The following BFSP2 variants were observed in gnomAD, a reference collection of about 807,000 sequenced individuals.
BFSP2 encodes the protein beaded filament structural protein 2.
In BFSP2, 38 loss-of-function variants were observed where a neutral mutation model predicts 44.9. The ratio of observed to expected loss-of-function variants is 0.85; its 90% CI spans 0.65 to 1.11. The LOEUF (loss-of-function observed/expected upper bound fraction) is 1.11, where lower values mean the gene tolerates loss of function less well. Ranked by LOEUF, BFSP2 falls within the 50% of genes least tolerant of loss-of-function variation. BFSP2 has a pLI of 0.00. For missense variants in BFSP2, 525 were observed against 533.0 expected (o/e 0.99, Z 0.15); for synonymous variants, 197 against 209.9 (o/e 0.94, Z 0.53).
chr3:133,427,854 G>A (rs1377224504), intron 1 of BFSP2, among the ~76,000 whole-genome samples: 1 of 152,154 alleles, frequency 6.6e-6, no homozygotes, highest in East Asian at 1.9e-4. Context: ...TAAGAAAACT[G>A]GAATTTATTG....
intron 5 of BFSP2, among the ~76,000 whole-genome samples, chr3:133,470,895 G>A (rs565225190): frequency 3.9e-5 from 6 of 152,336 alleles, no homozygotes; most frequent in East Asian, 1.9e-4. Context: ...AGCGGCAGAG[G>A]AGTTTCAAGG....
intron 3 of BFSP2, among the ~76,000 whole-genome samples, chr3:133,449,724 A>G (rs2073939050): frequency 6.6e-6 from 1 of 151,924 alleles, no homozygotes; most frequent in Non-Finnish European, 1.5e-5. Context: ...CTAAAAATAC[A>G]AAAATTAGCT....
chr3:133,466,415 C>A (rs2074109654), intron 4 of BFSP2, among the ~76,000 whole-genome samples: 1 of 151,586 alleles, frequency 6.6e-6, no homozygotes, highest in African/African-American at 2.4e-5. Context: ...CGTGGTGGCT[C>A]ACGCCTGTAA....
At chr3:133,455,148 T>C (rs967651) in intron 4 of BFSP2, among the ~76,000 whole-genome samples, 133,045 of 152,314 alleles carry the variant, frequency 0.87, 58,895 homozygotes, top group Non-Finnish European at 0.95. Flanking sequence ...AGTAGGAGTA[T>C]GCTAATGATA....
chr3:133,466,706 C>T lies in BFSP2; in HGVS notation c.892-122C>T, dbSNP rs1407052715. 2.2e-5 allele frequency: 6 copies of T among 275,466 alleles called. No homozygotes were observed. The East Asian group carries it at 6.3e-4, about 29-fold the overall frequency. The allele number at this position is 275,466 out of a possible 1,614,324, so 17.1% of individuals were successfully genotyped here. ...AAAAAAAAAAAAAAAAAGATGTTTC[C>T]ACGTGACAGCTGTATTTCCTCTGGT... is the stretch of plus-strand genomic sequence containing the variant. On this transcript the variant is annotated intron_variant, in intron 4 of 6. Transcript: ENST00000302334.
chr3:133,422,414 A>G (rs1038322420), intron 1 of BFSP2, among the ~76,000 whole-genome samples: 3 of 152,188 alleles, frequency 2.0e-5, no homozygotes, highest in African/African-American at 4.8e-5. Flanking sequence ...GGACATGCAG[A>G]AACCTGGTGC....
chr3:133,434,049 C>T (rs1576576568), intron 1 of BFSP2, among the ~76,000 whole-genome samples: 1 of 152,196 alleles, frequency 6.6e-6, no homozygotes, highest in South Asian at 2.1e-4. Context: ...GTTTACACTG[C>T]CAGTTTACAC....
intron 4 of BFSP2, among the ~76,000 whole-genome samples, chr3:133,451,011 T>G (rs944520140): frequency 2.0e-5 from 3 of 148,136 alleles, no homozygotes; most frequent in African/African-American, 7.5e-5. Flanking sequence ...CTCGGGAGGC[T>G]GAGGCAGGAG....
intron 4 of BFSP2, among the ~76,000 whole-genome samples, chr3:133,465,298 C>T (rs2074099771): frequency 6.6e-6 from 1 of 151,992 alleles, no homozygotes; most frequent in African/African-American, 2.4e-5. Flanking sequence ...TGAGCCACTG[C>T]ACCCAGCCTT....
At chr3:133,410,505 C>T in intron 1 of BFSP2, 1 of 280,446 alleles carries the variant, frequency 3.6e-6, no homozygotes, top group Middle Eastern at 5.2e-4. Context: ...TGGGAATGAT[C>T]AGCATAGCAA....
intron 4 of BFSP2, 120 bp downstream of exon 4, chr3:133,450,584 A>C: frequency 5.0e-5 from 57 of 1,139,088 alleles, no homozygotes; most frequent in Middle Eastern, 2.9e-4. Context: ...GTTCAACCTC[A>C]TTAGAAACAG....
chr3:133,470,539 TA>T (rs1576600767), intron 5 of BFSP2, among the ~76,000 whole-genome samples: 1 of 152,234 alleles, frequency 6.6e-6, no homozygotes, highest in African/African-American at 2.4e-5. Flanking sequence ...TACAGTTTTT[TA>T]AAGGGGTTTA....
chr3:133,449,773 C>T (rs2107925466), intron 3 of BFSP2, among the ~76,000 whole-genome samples: 1 of 151,884 alleles, frequency 6.6e-6, no homozygotes, highest in East Asian at 1.9e-4. Context: ...CCTGTAGTCT[C>T]AGCTACTCAG....
At chr3:133,427,521 A>G (rs1335843127) in intron 1 of BFSP2, among the ~76,000 whole-genome samples, 1 of 152,236 alleles carries the variant, frequency 6.6e-6, no homozygotes, top group Non-Finnish European at 1.5e-5. Context: ...AGATCAAGTG[A>G]GCATTTCCCT....
intron 4 of BFSP2, among the ~76,000 whole-genome samples, chr3:133,451,000 A>T (rs149657596): frequency 6.6e-6 from 1 of 151,448 alleles, no homozygotes; most frequent in Admixed American, 6.6e-5. Flanking sequence ...AGTCCCCGCT[A>T]CTCGGGAGGC....
At chr3:133,462,996 G>A (rs1368815355) in intron 4 of BFSP2, among the ~76,000 whole-genome samples, 5 of 152,184 alleles carry the variant, frequency 3.3e-5, no homozygotes, top group African/African-American at 1.2e-4. Flanking sequence ...TAGAACAGGA[G>A]TGAAAGTTTA....
rs992394957 is a variant in BFSP2 at position 133,456,908 on chromosome 3, T to C, written c.891+6444T>C. 2.6e-5 allele frequency among the ~76,000 whole-genome samples: 4 copies of C among 152,162 alleles called. No homozygotes were observed. In the South Asian group the frequency reaches 8.3e-4, roughly 32 times the overall value. On this transcript the variant is annotated intron_variant, in intron 4 of 6. Transcript: ENST00000302334. ...AGAAACCTTGAATAGCATCTCTCCA[T>C]GTCATCTACACTTACAAACAATAAT...
chr3:133,453,825 T>C (rs1275895520), intron 4 of BFSP2, among the ~76,000 whole-genome samples: 1 of 152,206 alleles, frequency 6.6e-6, no homozygotes, highest in Non-Finnish European at 1.5e-5. Flanking sequence ...TTCTGTTTAT[T>C]TTTTCAGTCA....
At chr3:133,470,051 G>A (rs1464277551) in intron 5 of BFSP2, among the ~76,000 whole-genome samples, 3 of 152,172 alleles carry the variant, frequency 2.0e-5, no homozygotes, top group Non-Finnish European at 4.4e-5. Context: ...AAAACCCAGG[G>A]AGGTTGGAAC....
Sources: allele counts gnomAD v4.1 joint callset (sites outside exome capture counted in the v4.1 genomes callset), GRCh38; gene constraint gnomAD v4.1.1; transcripts MANE v1.5; gene names NCBI Gene and HGNC (gene_info 2026-07-23, HGNC 2026-07-21).